CDIN1: variants seen among roughly 807,000 people sequenced by gnomAD.
CDIN1 encodes the protein CDAN1 interacting nuclease 1, also known as CDAN1-interacting nuclease 1.
In CDIN1, 33 loss-of-function variants were observed where a neutral mutation model predicts 45.3. The ratio of observed to expected loss-of-function variants is 0.73; its 90% CI spans 0.55 to 0.97. The LOEUF (loss-of-function observed/expected upper bound fraction) is 0.97, where lower values mean the gene tolerates loss of function less well. CDIN1 is among the 50% of genes least tolerant of loss of function. The pLI, the probability that CDIN1 is intolerant of heterozygous loss-of-function variation, is 0.00. For synonymous variants in CDIN1, 118 were observed against 124.4 expected, an observed-to-expected ratio of 0.95 and a Z score of 0.34; for missense variants, 303 against 339.4, an observed-to-expected ratio of 0.89 and a Z score of 0.84.
In CDIN1 at chr15:36,604,105, G is replaced by A. The variant is rs117904408; in HGVS notation, c.101+24144G>A. Among the ~76,000 whole-genome samples the A allele has an allele frequency of 7.8e-3, 1,186 of 152,142 alleles. 4 individuals are homozygous for A. Among genetic ancestry groups the A allele is most frequent in the Non-Finnish European group, 0.013 (901 of 68,012 alleles). The stretch of plus-strand genomic sequence containing the variant: ...TATGTGGGGCTGAAAGGACCAGTTC[G>A]GGTGTGATCTTAAAATTGGGCAGCT... On this transcript the variant is annotated intron_variant, in intron 1 of 10. Coordinates refer to ENST00000566621, the MANE Select transcript of CDIN1 (RefSeq NM_001321759.2).
intron 3 of CDIN1, among the ~76,000 whole-genome samples, chr15:36,646,616 C>T (rs10744967): frequency 0.95 from 145,308 of 152,322 alleles, 69,316 homozygotes; most frequent in East Asian, 1. Flanking sequence ...AGCCTGCAAC[C>T]GTGTTGGCAT....
chr15:36,804,371 C>G lies in CDIN1; in HGVS notation c.717-3953C>G, dbSNP rs1239229978. 2.0e-5 allele frequency among the ~76,000 whole-genome samples: 3 copies of G among 152,136 alleles called. No homozygotes were observed. In the East Asian group the frequency reaches 5.8e-4, roughly 29 times the overall value. ...CTGACCCCTGCCTGCACCCCTGTCT[C>G]TAGACTCGCACTGATTCAATAACCA... On this transcript the variant is annotated intron_variant, in intron 10 of 10. Transcript: ENST00000566621.
At chr15:36,740,889 CAA>C (rs201052730) in intron 10 of CDIN1, among the ~76,000 whole-genome samples, 6 of 126,194 alleles carry the variant, frequency 4.8e-5, no homozygotes, top group Non-Finnish European at 5.2e-5. Flanking sequence ...GACTCCATCT[CAA>C]AAAAAAAAAA....
At chr15:36,691,961 C>T (rs780775006) in intron 6 of CDIN1, among the ~76,000 whole-genome samples, 165 bp from the exon 7 acceptor site, 1 of 113,964 alleles carries the variant, frequency 8.8e-6, no homozygotes, top group Non-Finnish European at 1.6e-5. Context: ...AAAAAGCATG[C>T]AATTTTTGTT....
At chr15:36,772,380 T>C (rs992502608) in intron 10 of CDIN1, among the ~76,000 whole-genome samples, 7 of 152,226 alleles carry the variant, frequency 4.6e-5, no homozygotes, top group Admixed American at 4.6e-4. Context: ...GGGTATAACA[T>C]AATGTACAAT....
rs540007289 is a variant in CDIN1 at position 36,744,180 on chromosome 15, C to T, written c.716+34219C>T. On this transcript the variant is annotated intron_variant, in intron 10 of 10. Transcript: ENST00000566621. ...TTTCCTTGCAGGCTCTTCAGAGCAA[C>T]ATCTGCTTCAGTGGAGACAGCAACA... 5.9e-5 allele frequency among the ~76,000 whole-genome samples: 9 copies of T among 152,260 alleles called. No homozygotes were observed. The East Asian group carries it at 1.7e-3, about 29-fold the overall frequency.
chr15:36,754,359 C>T (rs1206900749), intron 10 of CDIN1, among the ~76,000 whole-genome samples: 1 of 152,050 alleles, frequency 6.6e-6, no homozygotes, highest in African/African-American at 2.4e-5. Context: ...GTCTTGAGCC[C>T]TGACCTAAAC....
At chr15:36,712,910 C>T (rs566565610) in intron 10 of CDIN1, among the ~76,000 whole-genome samples, 36 of 152,218 alleles carry the variant, frequency 2.4e-4, no homozygotes, top group African/African-American at 8.4e-4. Flanking sequence ...AATATAACCC[C>T]AAATTATATA....
intron 1 of CDIN1, among the ~76,000 whole-genome samples, chr15:36,615,989 A>G (rs1237381299): frequency 1.3e-5 from 2 of 152,328 alleles, no homozygotes; most frequent in African/African-American, 4.8e-5. Context: ...TCAGTCTAAC[A>G]TTGGACCAGT....
chr15:36,794,323 G>T lies in CDIN1; in HGVS notation c.717-14001G>T, dbSNP rs192322938. Among the ~76,000 whole-genome samples the T allele has an allele frequency of 1.7e-3, 262 of 152,198 alleles. 1 individual carries two copies. Among genetic ancestry groups the T allele is most frequent in the African/African-American group, 6.2e-3 (258 of 41,528 alleles). ...TCTACCCACCTCAGCCTCCCAAAGT[G>T]CTGGGATTACAGGTGTGACATCATA... is the stretch of plus-strand genomic sequence containing the variant. On this transcript the variant is annotated intron_variant, in intron 10 of 10. Transcript: ENST00000566621.
At chr15:36,780,072 A>G (rs573666733) in intron 10 of CDIN1, among the ~76,000 whole-genome samples, 71 of 125,744 alleles carry the variant, frequency 5.6e-4, no homozygotes, top group African/African-American at 3.9e-3. Flanking sequence ...AGTGAGTCTC[A>G]ATTTCCTGTG....
chr15:36,782,572 G>A (rs975619606), intron 10 of CDIN1, among the ~76,000 whole-genome samples: 5 of 152,158 alleles, frequency 3.3e-5, no homozygotes, highest in African/African-American at 1.2e-4. Context: ...AAGAGAAAGA[G>A]CTTACGAGCA....
chr15:36,598,149 A>C (rs149872843), intron 1 of CDIN1, among the ~76,000 whole-genome samples: 1,574 of 151,888 alleles, frequency 0.01, 27 homozygotes, highest in African/African-American at 0.036. Flanking sequence ...TGCCACCACA[A>C]CTGGCTAATT....
chr15:36,804,658 T>C (rs2055164316), intron 10 of CDIN1: 1 of 137,972 alleles, frequency 7.2e-6, no homozygotes, highest in Admixed American at 7.9e-5. Flanking sequence ...TAAAATGAAA[T>C]GAAACCAGAG....
intron 1 of CDIN1, among the ~76,000 whole-genome samples, chr15:36,602,098 A>C (rs1044687566): frequency 6.6e-6 from 1 of 152,040 alleles, no homozygotes; most frequent in African/African-American, 2.4e-5. Context: ...AATTTCACTT[A>C]CTGTGAATTC....
chr15:36,768,295 G>A (rs888113898), intron 10 of CDIN1, among the ~76,000 whole-genome samples: 5 of 152,204 alleles, frequency 3.3e-5, no homozygotes, highest in African/African-American at 7.2e-5. Context: ...CCTAGGATCC[G>A]TTTAGCTACT....
intron 1 of CDIN1, among the ~76,000 whole-genome samples, chr15:36,598,634 G>A (rs2037950338): frequency 6.6e-6 from 1 of 152,078 alleles, no homozygotes; most frequent in African/African-American, 2.4e-5. Context: ...GAAGTGTGAA[G>A]AATCTCAAGT....
At chr15:36,669,996 T>A (rs1246384514) in intron 5 of CDIN1, among the ~76,000 whole-genome samples, 1 of 152,070 alleles carries the variant, frequency 6.6e-6, no homozygotes, top group African/African-American at 2.4e-5. Context: ...TAGTACACAC[T>A]CAAGTTGAGG....
chr15:36,807,539 G>A (rs1044669758), intron 10 of CDIN1, among the ~76,000 whole-genome samples: 9 of 152,152 alleles, frequency 5.9e-5, no homozygotes, highest in Admixed American at 1.3e-4. Context: ...GATGGGTGAA[G>A]TAGTCCATAG....
Sources: gnomAD v4.1 joint callset for allele counts (sites outside exome capture counted in the v4.1 genomes callset) on GRCh38, gnomAD v4.1.1 for gene constraint, MANE v1.5 for transcripts, NCBI Gene and HGNC (gene_info 2026-07-23, HGNC 2026-07-21) for gene names.